FBXL2: variants seen among roughly 807,000 people sequenced by gnomAD.
The protein encoded by FBXL2 is F-box/LRR-repeat protein 2.
FBXL2 carries 38 observed loss-of-function variants against 69.2 expected under a neutral mutation model. The observed-to-expected ratio is 0.55, with a 90% CI of 0.42 to 0.72. The LOEUF (loss-of-function observed/expected upper bound fraction) is 0.72. Ranked by LOEUF, FBXL2 falls within the 30% of genes least tolerant of loss-of-function variation. FBXL2 has a pLI of 0.00. For synonymous variants in FBXL2, 192 were observed against 201.3 expected, an observed-to-expected ratio of 0.95 and a Z score of 0.39; for missense variants, 354 against 520.3, an observed-to-expected ratio of 0.68 and a Z score of 3.11.
intron 2 of FBXL2, among the ~76,000 whole-genome samples, chr3:33,339,322 T>A (rs2039834910): frequency 6.6e-6 from 1 of 152,206 alleles, no homozygotes. Context: ...TATACACTAC[T>A]GGTGGGACTG....
At chr3:33,413,100 T>C in the FBXL2 span, among the ~76,000 whole-genome samples, 1 of 152,200 alleles carries the variant, frequency 6.6e-6, no homozygotes, top group Non-Finnish European at 1.5e-5. Flanking sequence ...CAATTCAAAA[T>C]TAAGGTTCTT....
intron 12 of FBXL2, chr3:33,396,127 A>T: frequency 6.6e-7 from 1 of 1,509,026 alleles, no homozygotes. Flanking sequence ...TGACAGTCTC[A>T]GAAGTGACAG....
chr3:33,384,278 G>T (rs1460353881), intron 14 of FBXL2, 77 bp downstream of exon 14: 1 of 1,441,944 alleles, frequency 6.9e-7, no homozygotes, highest in Non-Finnish European at 9.5e-7. Flanking sequence ...TCAGACCGGG[G>T]CTAGGCACGC....
At chr3:33,293,918 G>C (rs2035497807) in intron 1 of FBXL2, among the ~76,000 whole-genome samples, 1 of 152,136 alleles carries the variant, frequency 6.6e-6, no homozygotes, top group African/African-American at 2.4e-5. Context: ...CACCAGAATT[G>C]ACATTCTTCT....
intron 12 of FBXL2, chr3:33,396,141 T>G: frequency 2.6e-6 from 4 of 1,528,214 alleles, no homozygotes; most frequent in Non-Finnish European, 3.6e-6. Flanking sequence ...GTGACAGAAT[T>G]GAGATGCCCT....
chr3:33,309,700 C>T (rs2037021379), intron 2 of FBXL2, among the ~76,000 whole-genome samples: 1 of 152,130 alleles, frequency 6.6e-6, no homozygotes, highest in Non-Finnish European at 1.5e-5. Flanking sequence ...TTTTCACGCA[C>T]TTGATATCTT....
intron 1 of FBXL2, among the ~76,000 whole-genome samples, chr3:33,291,745 AAGTC>A (rs2035243907): frequency 6.6e-6 from 1 of 152,226 alleles, no homozygotes; most frequent in Non-Finnish European, 1.5e-5. Flanking sequence ...ATTATGGAAA[AAGTC>A]AGGAAAGCAG....
At chr3:33,353,436 T>C (rs910707951) in intron 2 of FBXL2, among the ~76,000 whole-genome samples, 21 of 152,224 alleles carry the variant, frequency 1.4e-4, no homozygotes, top group Non-Finnish European at 2.2e-4. Context: ...CAATGAGATA[T>C]TTTTCAGCAA....
At chr3:33,378,900 A>G in intron 13 of FBXL2, 159 bp downstream of exon 13, 2 of 1,334,758 alleles carry the variant, frequency 1.5e-6, no homozygotes, top group South Asian at 3.2e-5. Context: ...GTATCTAAAT[A>G]TTTGATTACT....
At chr3:33,410,646 T>G in the FBXL2 span, among the ~76,000 whole-genome samples, 15 of 152,316 alleles carry the variant, frequency 9.8e-5, no homozygotes, top group South Asian at 2.1e-4. Context: ...ACATACAAAT[T>G]TGAACATTGT....
intron 9 of FBXL2, among the ~76,000 whole-genome samples, chr3:33,374,556 TC>T (rs2042513452): frequency 6.6e-6 from 1 of 152,214 alleles, no homozygotes; most frequent in Admixed American, 6.5e-5. Flanking sequence ...ATCTTTAGAG[TC>T]CCTAGTGGTG....
At chr3:33,406,444 AAACAT>A (rs760376680), downstream of FBXL2, among the ~76,000 whole-genome samples, 19 of 152,286 alleles carry the variant, frequency 1.2e-4, no homozygotes, top group East Asian at 2.3e-3. Flanking sequence ...TGCACATATA[AAACAT>A]AACACAGCAT....
In FBXL2 at chr3:33,375,447, G is replaced by A. The variant is rs1220619325; in HGVS notation, c.788+29G>A. The A allele has an allele frequency of 5.0e-6, 8 of 1,603,496 alleles. No homozygotes were observed. The Admixed American group carries it at 1.2e-4, about 23-fold the overall frequency. Reference sequence around the variant, plus strand: ...AGTACACTGCACTTTTTGCTTTGCAGCTCAGAGTTTGGCTGAGTTAACCAA... The same window carrying A: ...AGTACACTGCACTTTTTGCTTTGCAACTCAGAGTTTGGCTGAGTTAACCAA... On this transcript the variant is annotated intron_variant, in intron 10 of 14. Coordinates refer to ENST00000484457, the MANE Select transcript of FBXL2 (RefSeq NM_012157.5).
the FBXL2 span, chr3:33,416,801 C>T: frequency 6.2e-7 from 1 of 1,613,484 alleles, no homozygotes; most frequent in South Asian, 1.1e-5. Context: ...ACCCATTTTC[C>T]GATTATCCAG....
In FBXL2 at chr3:33,357,781, G is replaced by A. The variant is rs913566823; in HGVS notation, c.66-1186G>A. Among the ~76,000 whole-genome samples the A allele has an allele frequency of 4.6e-5, 7 of 152,080 alleles. No homozygotes were observed. The East Asian group carries it at 5.8e-4, about 13-fold the overall frequency. On this transcript the variant is annotated intron_variant, in intron 2 of 14. Coordinates refer to ENST00000484457, the MANE Select transcript of FBXL2 (RefSeq NM_012157.5). Reference sequence around the variant, plus strand: ...CCTGACCTCGTGATCCGCCCACCTCGGCCTCCCAAAGTGCTGGGATTACAG... The same window carrying A: ...CCTGACCTCGTGATCCGCCCACCTCAGCCTCCCAAAGTGCTGGGATTACAG...
At chr3:33,351,370 C>A (rs1365729931) in intron 2 of FBXL2, among the ~76,000 whole-genome samples, 1 of 152,086 alleles carries the variant, frequency 6.6e-6, no homozygotes. Context: ...TCCTATATAC[C>A]TGTAATGAAC....
chr3:33,380,429 A>G (rs1320873688), intron 13 of FBXL2, among the ~76,000 whole-genome samples: 1 of 151,564 alleles, frequency 6.6e-6, no homozygotes, highest in Non-Finnish European at 1.5e-5. Flanking sequence ...ATGGTGGCAC[A>G]TGCCTATAAT....
the FBXL2 span, chr3:33,409,222 C>G: frequency 6.2e-7 from 1 of 1,611,998 alleles, no homozygotes; most frequent in Non-Finnish European, 8.5e-7. Context: ...AAACCAAATG[C>G]TTTACTACAT....
chr3:33,390,479 T>C, downstream of FBXL2: 1 of 1,123,294 alleles, frequency 8.9e-7, no homozygotes, highest in Non-Finnish European at 1.3e-6. Context: ...AGAGGTTACC[T>C]TTAAATGATT....
Sources: allele counts gnomAD v4.1 joint callset (sites outside exome capture counted in the v4.1 genomes callset), GRCh38; gene constraint gnomAD v4.1.1; transcripts MANE v1.5; gene names NCBI Gene and HGNC (gene_info 2026-07-23, HGNC 2026-07-21).